Variants in CRACD observed in about 807,000 individuals in gnomAD.
The protein encoded by CRACD is capping protein-inhibiting regulator of actin dynamics.
In CRACD, 56 loss-of-function variants were observed where a neutral mutation model predicts 106.8. The observed-to-expected ratio is 0.52, with a 90% CI of 0.42 to 0.66. The LOEUF (loss-of-function observed/expected upper bound fraction) is 0.66, where lower values mean the gene tolerates loss of function less well. Among genes scored for constraint, CRACD ranks in the 30% least tolerant of loss-of-function variants. CRACD has a pLI of 0.00. For missense variants in CRACD, 1,730 were observed against 1,623.2 expected, an observed-to-expected ratio of 1.07 and a Z score of -1.13; for synonymous variants, 754 against 670.8, an observed-to-expected ratio of 1.12 and a Z score of -1.92.
intron 2 of CRACD, among the ~76,000 whole-genome samples, chr4:56,224,801 G>T (rs1739214356): frequency 6.6e-6 from 1 of 152,184 alleles, no homozygotes; most frequent in African/African-American, 2.4e-5. Context: ...TTACCACATA[G>T]TGTCTTTTGG....
At chr4:56,303,955 G>A (rs553131086) in intron 4 of CRACD, among the ~76,000 whole-genome samples, 7 of 152,158 alleles carry the variant, frequency 4.6e-5, no homozygotes, top group Non-Finnish European at 1.0e-4. Context: ...GTTTTCTCTG[G>A]GGGGATTTCA....
At chr4:56,101,528 T>G (rs774962019) in intron 1 of CRACD, among the ~76,000 whole-genome samples, 1 of 152,092 alleles carries the variant, frequency 6.6e-6, no homozygotes, top group Admixed American at 6.6e-5. Flanking sequence ...TTTGGGAGGC[T>G]GAAGCAGGTG....
chr4:56,265,861 T>C (rs950030344), intron 2 of CRACD, among the ~76,000 whole-genome samples: 4 of 152,216 alleles, frequency 2.6e-5, no homozygotes, highest in Middle Eastern at 3.2e-3. Context: ...TGCAGAGGAA[T>C]TGGATGCTTT....
intron 1 of CRACD, among the ~76,000 whole-genome samples, chr4:56,150,083 A>G (rs1264355002): frequency 6.6e-6 from 1 of 152,222 alleles, no homozygotes; most frequent in Non-Finnish European, 1.5e-5. Flanking sequence ...CAAGAAGCCC[A>G]AATTCTGAAG....
intron 2 of CRACD, among the ~76,000 whole-genome samples, chr4:56,235,038 C>T (rs796484922): frequency 1.3e-5 from 2 of 152,158 alleles, no homozygotes; most frequent in South Asian, 4.1e-4. Context: ...CAGTTCATTG[C>T]ATTTGTATGC....
chr4:56,174,579 C>G (rs1282378990), intron 1 of CRACD, among the ~76,000 whole-genome samples: 1 of 152,186 alleles, frequency 6.6e-6, no homozygotes, highest in Non-Finnish European at 1.5e-5. Flanking sequence ...AACCTAATGT[C>G]TAGTTCCATC....
intron 3 of CRACD, among the ~76,000 whole-genome samples, chr4:56,295,399 G>T (rs921131878): frequency 6.6e-6 from 1 of 151,828 alleles, no homozygotes; most frequent in African/African-American, 2.4e-5. Context: ...TACTACTACT[G>T]CTATTATTAC....
At chr4:56,177,621 A>C (rs1269729891) in intron 1 of CRACD, among the ~76,000 whole-genome samples, 1 of 152,194 alleles carries the variant, frequency 6.6e-6, no homozygotes, top group Non-Finnish European at 1.5e-5. Flanking sequence ...TGCTTGGTAG[A>C]ATTCAGCAGT....
intron 8 of CRACD, among the ~76,000 whole-genome samples, chr4:56,317,802 A>C (rs1407455445): frequency 6.6e-6 from 1 of 150,778 alleles, no homozygotes; most frequent in Non-Finnish European, 1.5e-5. Flanking sequence ...CCTCCTACAA[A>C]GAAATTTTGG....
Position 56,058,223 on chromosome 4 carries a change from C to G in CRACD, c.-336+8924C>G, listed in dbSNP as rs561365199. ...TACCTGGGATTATAGTTGTGTGCCA[C>G]CACGCCTGGCTAATTTTTGTATTTT... On this transcript the variant is annotated intron_variant, in intron 1 of 10. Transcript: ENST00000682029. Among the ~76,000 whole-genome samples the G allele has an allele frequency of 4.6e-5, 7 of 152,294 alleles. No individual in the cohort carries two copies. The South Asian group carries it at 1.5e-3, about 32-fold the overall frequency.
At chr4:56,126,854 G>C (rs538438202) in intron 1 of CRACD, among the ~76,000 whole-genome samples, 4 of 152,320 alleles carry the variant, frequency 2.6e-5, no homozygotes, top group Admixed American at 1.3e-4. Flanking sequence ...GTGACTAGCA[G>C]AAACAAGACT....
At chr4:56,156,298 C>G (rs1735762055) in intron 1 of CRACD, among the ~76,000 whole-genome samples, 1 of 152,216 alleles carries the variant, frequency 6.6e-6, no homozygotes, top group Non-Finnish European at 1.5e-5. Context: ...TCACTGTCTT[C>G]AAGGTGCAGT....
At chr4:56,227,974 C>T (rs1422027252) in intron 2 of CRACD, among the ~76,000 whole-genome samples, 1 of 152,118 alleles carries the variant, frequency 6.6e-6, no homozygotes, top group South Asian at 2.1e-4. Context: ...GAGGCTAATT[C>T]TTTACAAAGC....
chr4:56,248,966 G>T (rs1253719772), intron 2 of CRACD, among the ~76,000 whole-genome samples: 1 of 123,406 alleles, frequency 8.1e-6, no homozygotes, highest in Non-Finnish European at 1.7e-5. Context: ...TCTTAATCCA[G>T]TCTATCATTG....
At chr4:56,129,135 G>T (rs1388391464) in intron 1 of CRACD, among the ~76,000 whole-genome samples, 1 of 152,150 alleles carries the variant, frequency 6.6e-6, no homozygotes, top group Non-Finnish European at 1.5e-5. Flanking sequence ...GAGTGTGGTA[G>T]CATAATCATG....
intron 1 of CRACD, among the ~76,000 whole-genome samples, chr4:56,155,758 T>C (rs1353151757): frequency 6.6e-6 from 1 of 152,100 alleles, no homozygotes; most frequent in Non-Finnish European, 1.5e-5. Flanking sequence ...GCATATGAAT[T>C]AGTAATAAAC....
chr4:56,275,320 C>A (rs1002081078), intron 3 of CRACD, among the ~76,000 whole-genome samples: 2 of 152,046 alleles, frequency 1.3e-5, no homozygotes, highest in African/African-American at 2.4e-5. Context: ...CAAGGTGTGG[C>A]AGCAAGTGCC....
intron 2 of CRACD, among the ~76,000 whole-genome samples, chr4:56,190,462 CAG>C (rs1453960929): frequency 6.6e-6 from 1 of 152,138 alleles, no homozygotes; most frequent in Admixed American, 6.5e-5. Flanking sequence ...CCTATTTCTC[CAG>C]ATGTGGAGAA....
chr4:56,108,175 A>C (rs1008410771), intron 1 of CRACD, among the ~76,000 whole-genome samples: 2 of 152,206 alleles, frequency 1.3e-5, no homozygotes, highest in Non-Finnish European at 2.9e-5. Flanking sequence ...TCAATTACAA[A>C]GGGAGAAAAT....
Sources: gnomAD v4.1 joint callset for allele counts (sites outside exome capture counted in the v4.1 genomes callset) on GRCh38, gnomAD v4.1.1 for gene constraint, MANE v1.5 for transcripts, NCBI Gene and HGNC (gene_info 2026-07-23, HGNC 2026-07-21) for gene names.